The following GABRB1 variants were observed in gnomAD, a reference collection of about 807,000 sequenced individuals.
GABRB1 encodes gamma-aminobutyric acid receptor subunit beta-1.
In GABRB1, 17 loss-of-function variants were observed where a neutral mutation model predicts 51.6. The ratio of observed to expected loss-of-function variants is 0.33; its 90% confidence interval spans 0.23 to 0.49. The LOEUF (loss-of-function observed/expected upper bound fraction) is 0.49, where lower values mean the gene tolerates loss of function less well. GABRB1 is among the 20% of genes least tolerant of loss of function. The pLI is 0.99. For missense variants in GABRB1, 410 were observed against 600.6 expected (o/e 0.68, Z 3.32); for synonymous variants, 247 against 218.9 (o/e 1.13, Z -1.14).
At chr4:47,422,655 A>G (rs1729128158) in intron 8 of GABRB1, among the ~76,000 whole-genome samples, 1 of 152,130 alleles carries the variant, frequency 6.6e-6, no homozygotes, top group Non-Finnish European at 1.5e-5. Context: ...CACTGACTCC[A>G]TAGCTGCCTC....
intron 1 of GABRB1, among the ~76,000 whole-genome samples, chr4:47,019,364 TTTCC>T (rs1724841310): frequency 6.6e-6 from 1 of 152,180 alleles, no homozygotes; most frequent in Non-Finnish European, 1.5e-5. Flanking sequence ...ATACCTGGAA[TTTCC>T]TTCCTTTTCT....
chr4:47,160,374 C>T (rs1277731301), intron 3 of GABRB1, among the ~76,000 whole-genome samples: 1 of 152,146 alleles, frequency 6.6e-6, no homozygotes, highest in African/African-American at 2.4e-5. Context: ...TTGTATGTGC[C>T]TCATAACTAC....
At chr4:47,308,458 C>T (rs1172813330) in intron 4 of GABRB1, among the ~76,000 whole-genome samples, 2 of 152,026 alleles carry the variant, frequency 1.3e-5, no homozygotes, top group Non-Finnish European at 2.9e-5. Flanking sequence ...ATTCTTCTGT[C>T]CTATTTGGTT....
chr4:47,132,173 T>TTC (rs1168524916), intron 3 of GABRB1, among the ~76,000 whole-genome samples: 6 of 152,220 alleles, frequency 3.9e-5, no homozygotes, highest in African/African-American at 1.4e-4. Flanking sequence ...CAGATTGAAT[T>TTC]TCTCTCTCTT....
intron 4 of GABRB1, among the ~76,000 whole-genome samples, chr4:47,202,779 C>T (rs140531375): frequency 6.6e-6 from 1 of 152,216 alleles, no homozygotes; most frequent in Non-Finnish European, 1.5e-5. Context: ...ATGGAAAAAT[C>T]CACATCTCTC....
intron 5 of GABRB1, among the ~76,000 whole-genome samples, chr4:47,374,709 G>T (rs1259724910): frequency 2.6e-5 from 4 of 152,180 alleles, no homozygotes; most frequent in Admixed American, 6.5e-5. Context: ...GCACAGGATT[G>T]GTGTCATGGC....
At chr4:47,410,170 T>G (rs1026129566) in intron 8 of GABRB1, among the ~76,000 whole-genome samples, 1 of 152,240 alleles carries the variant, frequency 6.6e-6, no homozygotes, top group Non-Finnish European at 1.5e-5. Context: ...GAGATTTTTT[T>G]AAAATATGTT....
intron 8 of GABRB1, among the ~76,000 whole-genome samples, chr4:47,412,634 C>T (rs539702827): frequency 1.4e-4 from 22 of 152,130 alleles, no homozygotes; most frequent in African/African-American, 4.6e-4. Context: ...ATTGTCTCAA[C>T]GCCAAGGAAA....
chr4:47,002,098 T>C (rs1724249679), intron 1 of GABRB1, among the ~76,000 whole-genome samples: 1 of 152,260 alleles, frequency 6.6e-6, no homozygotes, highest in African/African-American at 2.4e-5. Flanking sequence ...TTGAATTTTG[T>C]TCTTTTGACT....
intron 5 of GABRB1, among the ~76,000 whole-genome samples, chr4:47,328,632 C>G (rs1031729743): frequency 2.0e-5 from 3 of 152,062 alleles, no homozygotes; most frequent in African/African-American, 7.2e-5. Context: ...ATGGATGAAG[C>G]TGGAAACCAT....
chr4:47,370,499 G>T (rs992946666), intron 5 of GABRB1, among the ~76,000 whole-genome samples: 1 of 118,258 alleles, frequency 8.5e-6, no homozygotes, highest in Non-Finnish European at 1.9e-5. Flanking sequence ...AAAAAAAAAA[G>T]AAAGAAAGAA....
rs151054128 is a variant in GABRB1, at chr4:47,119,795, C to T, written c.241-41454C>T. On this transcript the variant is annotated intron_variant, in intron 3 of 8. Transcript: ENST00000295454. ...AAGTGCTAGGATTACCAGGGTGAGC[C>T]ACTGGGCAGAACATTTTTAAAGGGT... 5.9e-5 allele frequency among the ~76,000 whole-genome samples: 9 copies of T among 152,104 alleles called. 1 individual carries two copies. The highest frequency in any genetic ancestry group is 2.2e-4 in the African/African-American group (9 of 41,492).
intron 5 of GABRB1, among the ~76,000 whole-genome samples, chr4:47,334,569 C>T (rs1560338592): frequency 6.6e-6 from 1 of 152,070 alleles, no homozygotes; most frequent in Non-Finnish European, 1.5e-5. Context: ...AATATTTGGG[C>T]AAATATTTTC....
chr4:47,218,529 C>T (rs1720644903), intron 4 of GABRB1, among the ~76,000 whole-genome samples: 1 of 151,768 alleles, frequency 6.6e-6, no homozygotes, highest in Non-Finnish European at 1.5e-5. Flanking sequence ...TAGCCATTCT[C>T]ACTGGGGTGA....
intron 8 of GABRB1, among the ~76,000 whole-genome samples, chr4:47,418,843 A>G (rs1729010845): frequency 6.6e-6 from 1 of 152,184 alleles, no homozygotes; most frequent in Non-Finnish European, 1.5e-5. Context: ...ATGCCTCTAA[A>G]CATCCATGCA....
chr4:47,252,382 C>T (rs1053192868), intron 4 of GABRB1, among the ~76,000 whole-genome samples: 1 of 152,086 alleles, frequency 6.6e-6, no homozygotes, highest in Non-Finnish European at 1.5e-5. Flanking sequence ...TCTCCAGGGT[C>T]CTGCAGAACC....
intron 4 of GABRB1, among the ~76,000 whole-genome samples, chr4:47,255,257 T>A (rs964976520): frequency 6.6e-6 from 1 of 152,210 alleles, no homozygotes; most frequent in African/African-American, 2.4e-5. Flanking sequence ...TTAACTGTTA[T>A]TACTAGTAGA....
chr4:47,303,390 A>ATG (rs1560324198), intron 4 of GABRB1, among the ~76,000 whole-genome samples: 18 of 150,124 alleles, frequency 1.2e-4, no homozygotes, highest in Non-Finnish European at 2.1e-4. Context: ...CTCTCTCTAT[A>ATG]TATATATATA....
At chr4:47,261,362 A>G (rs555992242) in intron 4 of GABRB1, among the ~76,000 whole-genome samples, 2 of 152,322 alleles carry the variant, frequency 1.3e-5, no homozygotes, top group South Asian at 2.1e-4. Context: ...CAGGATATCA[A>G]TGTACAAAAA....
Sources: gnomAD v4.1 joint callset for allele counts (sites outside exome capture counted in the v4.1 genomes callset) on GRCh38, gnomAD v4.1.1 for gene constraint, MANE v1.5 for transcripts, NCBI Gene and HGNC (gene_info 2026-07-23, HGNC 2026-07-21) for gene names.